The following HERC3 variants were observed in gnomAD, a reference collection of about 807,000 sequenced individuals.
The protein encoded by HERC3 is HECT and RLD domain containing E3 ubiquitin protein ligase 3.
Under a neutral mutation model 129.9 loss-of-function variants are expected in HERC3, and 58 were observed. That is an observed-to-expected ratio of 0.45 (90% confidence interval 0.36 to 0.56). The LOEUF is 0.56. Ranked by LOEUF, HERC3 falls within the 20% of genes least tolerant of loss-of-function variation. HERC3 has a pLI of 0.00. For synonymous variants in HERC3, 430 were observed against 451.0 expected (o/e 0.95, Z 0.59); for missense variants, 835 against 1,244.2 (o/e 0.67, Z 4.95).
At chr4:88,551,593 C>T in the HERC3 span, among the ~76,000 whole-genome samples, 1 of 151,892 alleles carries the variant, frequency 6.6e-6, no homozygotes, top group Non-Finnish European at 1.5e-5. Context: ...GATACCATCT[C>T]ACACCAGTTA....
chr4:88,589,580 T>C (rs1312959202), upstream of HERC3, among the ~76,000 whole-genome samples: 1 of 152,158 alleles, frequency 6.6e-6, no homozygotes, highest in Non-Finnish European at 1.5e-5. Context: ...AGTACGTTTG[T>C]TAGAGAATAT....
At chr4:88,621,115 GT>G (rs1217548262) in intron 3 of HERC3, among the ~76,000 whole-genome samples, 12 of 150,134 alleles carry the variant, frequency 8.0e-5, no homozygotes, top group Non-Finnish European at 1.3e-4. Flanking sequence ...CTTTCAGCAA[GT>G]TTTTTTTTTG....
chr4:88,629,447 C>T (rs1408818470), intron 3 of HERC3, among the ~76,000 whole-genome samples: 1 of 152,138 alleles, frequency 6.6e-6, no homozygotes, highest in African/African-American at 2.4e-5. Context: ...TCATACTGAT[C>T]TGTATCAACC....
chr4:88,615,042 C>T (rs901941676), intron 3 of HERC3, among the ~76,000 whole-genome samples: 5 of 152,148 alleles, frequency 3.3e-5, no homozygotes, highest in African/African-American at 1.2e-4. Context: ...ATAAGGTTCA[C>T]ATTTATCTTA....
At chr4:88,672,425 A>AT (rs926282566) in intron 16 of HERC3, among the ~76,000 whole-genome samples, 6 of 152,122 alleles carry the variant, frequency 3.9e-5, no homozygotes, top group African/African-American at 1.4e-4. Flanking sequence ...TTTTTGTGGA[A>AT]TTTTTTTTAT....
chr4:88,644,809 G>A (rs1268637311), intron 3 of HERC3, among the ~76,000 whole-genome samples: 1 of 152,072 alleles, frequency 6.6e-6, no homozygotes, highest in Admixed American at 6.6e-5. Context: ...CAGTGCCTTG[G>A]CTCAGAAACA....
chr4:88,561,108 T>C, the HERC3 span, among the ~76,000 whole-genome samples: 23 of 152,222 alleles, frequency 1.5e-4, no homozygotes, highest in African/African-American at 2.2e-4. Flanking sequence ...TTTTGTTTTC[T>C]ATTTCTGTGA....
chr4:88,659,286 A>G (rs1471099954), intron 10 of HERC3, among the ~76,000 whole-genome samples: 1 of 152,196 alleles, frequency 6.6e-6, no homozygotes, highest in East Asian at 1.9e-4. Flanking sequence ...ATGGGCTGTT[A>G]GTGAAGAAAA....
At position 88,660,409 on chromosome 4, in the gene HERC3, G is replaced by T. The variant is rs1730367650; in HGVS notation, c.1146+1918G>T. Reference sequence around the variant, plus strand: ...TAGTAGAGACCAGTTTCACCATGTTGGCCAGGCTGGTTTTGAACTCCTGAC... The same window carrying T: ...TAGTAGAGACCAGTTTCACCATGTTTGCCAGGCTGGTTTTGAACTCCTGAC... On this transcript the variant is annotated intron_variant, in intron 10 of 25. Transcript: ENST00000402738. 3.9e-5 allele frequency among the ~76,000 whole-genome samples: 6 copies of T among 152,104 alleles called. No homozygotes were observed. The South Asian group carries it at 1.2e-3, about 32-fold the overall frequency.
intron 1 of HERC3, among the ~76,000 whole-genome samples, chr4:88,594,763 C>T (rs138351188): frequency 4.9e-4 from 75 of 152,200 alleles, no homozygotes; most frequent in African/African-American, 1.7e-3. Flanking sequence ...GATCTCTTCT[C>T]ATTTTGCATG....
chr4:88,622,095 C>T (rs1725582355), intron 3 of HERC3, among the ~76,000 whole-genome samples: 1 of 152,224 alleles, frequency 6.6e-6, no homozygotes, highest in South Asian at 2.1e-4. Context: ...AATTTTAGAA[C>T]ATTTTCATCT....
the HERC3 span, among the ~76,000 whole-genome samples, chr4:88,563,337 T>C: frequency 1.3e-5 from 2 of 152,236 alleles, no homozygotes; most frequent in East Asian, 3.8e-4. Context: ...TACTGATTTT[T>C]GTATGTTGAT....
chr4:88,595,366 G>A (rs1722251133), intron 1 of HERC3, among the ~76,000 whole-genome samples, 191 bp from the exon 2 acceptor site: 1 of 152,022 alleles, frequency 6.6e-6, no homozygotes, highest in Non-Finnish European at 1.5e-5. Context: ...CTTTATAACT[G>A]GTTAGAGGTT....
chr4:88,581,464 A>C, the HERC3 span, among the ~76,000 whole-genome samples: 4 of 130,494 alleles, frequency 3.1e-5, no homozygotes, highest in African/African-American at 1.7e-4. Flanking sequence ...TGCCTGGCTA[A>C]ATTTTTTTTT....
chr4:88,633,448 T>C (rs1726998268), intron 3 of HERC3, among the ~76,000 whole-genome samples: 1 of 152,220 alleles, frequency 6.6e-6, no homozygotes, highest in South Asian at 2.1e-4. Flanking sequence ...CCGTGTAATA[T>C]ATTTTGCATT....
chr4:88,602,013 G>A (rs1338626722), intron 2 of HERC3, among the ~76,000 whole-genome samples: 4 of 128,144 alleles, frequency 3.1e-5, no homozygotes, highest in East Asian at 2.3e-4. Flanking sequence ...CCGAGATCCC[G>A]CCACTGCACT....
chr4:88,626,951 C>T lies in HERC3; in HGVS notation c.226+20902C>T, dbSNP rs944643032. Among the ~76,000 whole-genome samples, 14 of 151,476 alleles carry T rather than the reference C, an allele frequency of 9.2e-5. 1 individual carries two copies. Among genetic ancestry groups the T allele is most frequent in the Admixed American group, 4.6e-4 (7 of 15,198 alleles). ...TCTGTTCACTTTGTGTTTAATTTAC[C>T]GTATTGTTTCTAGTTTCTTAGTGTG... On this transcript the variant is annotated intron_variant, in intron 3 of 25. Coordinates refer to ENST00000402738, the MANE Select transcript of HERC3 (RefSeq NM_014606.3).
intron 11 of HERC3, 126 bp downstream of exon 11, chr4:88,662,681 C>T (rs578058824): frequency 6.9e-6 from 7 of 1,013,656 alleles, no homozygotes; most frequent in African/African-American, 3.3e-5. Flanking sequence ...TATAGGGAAT[C>T]GTGGGTTATT....
At chr4:88,550,261 A>G in the HERC3 span, among the ~76,000 whole-genome samples, 1 of 152,146 alleles carries the variant, frequency 6.6e-6, no homozygotes, top group Non-Finnish European at 1.5e-5. Context: ...CCTATTCAAC[A>G]TAGTGTTGGA....
Sources: allele counts gnomAD v4.1 joint callset (sites outside exome capture counted in the v4.1 genomes callset), GRCh38; gene constraint gnomAD v4.1.1; transcripts MANE v1.5; gene names NCBI Gene and HGNC (gene_info 2026-07-23, HGNC 2026-07-21).